COL28A1: variants seen among roughly 807,000 people sequenced by gnomAD.
The protein encoded by COL28A1 is collagen alpha-1(XXVIII) chain.
A neutral mutation model predicts 150.2 loss-of-function variants in COL28A1; 161 were observed. That is an observed-to-expected ratio of 1.07 (90% CI 0.94 to 1.22). The LOEUF (loss-of-function observed/expected upper bound fraction) is 1.22. Among genes scored for constraint, COL28A1 ranks in the 50% most tolerant of loss-of-function variants. COL28A1 has a pLI of 0.00. For synonymous variants in COL28A1, 552 were observed against 469.7 expected (o/e 1.18, Z -2.26); for missense variants, 1,617 against 1,388.3 (o/e 1.16, Z -2.62).
rs1788955656 is a variant in COL28A1 at position 7,477,119 on chromosome 7, C to T, written c.1226G>A (p.Gly409Glu). 1.6e-6 allele frequency: 2 copies of T among 1,226,382 alleles called. No individual in the cohort carries two copies. The highest frequency in any genetic ancestry group is 2.4e-6 in the Non-Finnish European group (2 of 825,224). The allele number at this position is 1,226,382 out of a possible 1,614,324, so 76.0% of individuals were successfully genotyped here. The change falls in exon 14 of 35, where the codon GGA becomes GAA. Residue 409 changes from glycine (G) to glutamate (E), a missense_variant. Coordinates refer to ENST00000399429, the MANE Select transcript of COL28A1 (RefSeq NM_001037763.3). ...ERGLPGEGFPGPKGEKGSEGP... is the reference protein window; with the variant it reads ...ERGLPGEGFPEPKGEKGSEGP... ...TACAGAAGGTATTGTTACCTTTGGTCCTGGAAATCCTTCTCCGGGTAAGCC... is the reference window on the plus strand; with the variant it reads ...TACAGAAGGTATTGTTACCTTTGGTTCTGGAAATCCTTCTCCGGGTAAGCC...
chr7:7,420,670 C>T (rs367879058), intron 25 of COL28A1, among the ~76,000 whole-genome samples: 2 of 152,180 alleles, frequency 1.3e-5, no homozygotes, highest in Non-Finnish European at 2.9e-5. Context: ...CTCTGAACCT[C>T]GGTAAATTCA....
chr7:7,393,782 C>A (rs117783059), intron 27 of COL28A1, among the ~76,000 whole-genome samples: 636 of 152,258 alleles, frequency 4.2e-3, no homozygotes, highest in Non-Finnish European at 6.3e-3. Flanking sequence ...TTTCTCCACA[C>A]CAAATTTGAG....
intron 30 of COL28A1, among the ~76,000 whole-genome samples, chr7:7,379,792 A>G (rs537947291): frequency 6.6e-6 from 1 of 152,270 alleles, no homozygotes; most frequent in East Asian, 1.9e-4. Flanking sequence ...TTTTGGGGAG[A>G]AATTGTGCAT....
At chr7:7,474,118 G>T (rs1227277051) in intron 15 of COL28A1, among the ~76,000 whole-genome samples, 1 of 146,492 alleles carries the variant, frequency 6.8e-6, no homozygotes, top group Non-Finnish European at 1.5e-5. Context: ...TCATAAAAAG[G>T]AATGAATTAA....
At chr7:7,377,565 T>C (rs1452613192) in intron 30 of COL28A1, among the ~76,000 whole-genome samples, 1 of 152,124 alleles carries the variant, frequency 6.6e-6, no homozygotes, top group South Asian at 2.1e-4. Context: ...TGTCAGAGCA[T>C]ACTGCATTAC....
At chr7:7,344,423 T>A in the COL28A1 span, among the ~76,000 whole-genome samples, 1 of 152,102 alleles carries the variant, frequency 6.6e-6, no homozygotes, top group Admixed American at 6.6e-5. Flanking sequence ...TAATAGTTGG[T>A]CTAGTGATTA....
intron 30 of COL28A1, among the ~76,000 whole-genome samples, chr7:7,378,457 G>A (rs1781687801): frequency 6.6e-6 from 1 of 152,088 alleles, no homozygotes. Context: ...GTGACATGTG[G>A]AGAAACAGAG....
intron 26 of COL28A1, 54 bp downstream of exon 26, chr7:7,419,831 G>A (rs1655978753): frequency 1.7e-6 from 2 of 1,191,080 alleles, no homozygotes; most frequent in Non-Finnish European, 1.2e-6. Context: ...CTGTTCACTT[G>A]TTTGTCACTG....
the COL28A1 span, among the ~76,000 whole-genome samples, chr7:7,350,160 A>G: frequency 1.3e-5 from 2 of 152,118 alleles, no homozygotes; most frequent in East Asian, 3.9e-4. Flanking sequence ...GAGGAGGCCA[A>G]TTTGGAAGCC....
chr7:7,448,145 T>C (rs1468949111), intron 18 of COL28A1, among the ~76,000 whole-genome samples: 1 of 152,160 alleles, frequency 6.6e-6, no homozygotes, highest in Non-Finnish European at 1.5e-5. Context: ...ACTGGCCAAA[T>C]ATTTTCCAAA....
intron 14 of COL28A1, among the ~76,000 whole-genome samples, chr7:7,475,757 T>C (rs879516736): frequency 6.6e-6 from 1 of 152,294 alleles, no homozygotes; most frequent in Admixed American, 6.5e-5. Flanking sequence ...ATTTACTAAG[T>C]GCCAAAAAAA....
At chr7:7,455,081 A>C (rs1209935854) in intron 16 of COL28A1, among the ~76,000 whole-genome samples, 1 of 152,192 alleles carries the variant, frequency 6.6e-6, no homozygotes, top group Non-Finnish European at 1.5e-5. Flanking sequence ...CAACAATGAC[A>C]CCGGAATTAT....
intron 11 of COL28A1, among the ~76,000 whole-genome samples, chr7:7,495,156 T>G (rs1780137481): frequency 6.6e-6 from 1 of 152,216 alleles, no homozygotes; most frequent in Non-Finnish European, 1.5e-5. Flanking sequence ...TAAATTTTAC[T>G]TAATAAATAC....
At position 7,436,399 on chromosome 7, in the gene COL28A1, G is replaced by T. The variant is rs746135193; in HGVS notation, c.1856C>A (p.Pro619Gln). The T allele has an allele frequency of 2.3e-6, 3 of 1,324,342 alleles. No individual in the cohort carries two copies. Among genetic ancestry groups the T allele is most frequent in the Non-Finnish European group, 3.3e-6 (3 of 915,366 alleles). The allele number at this position is 1,324,342 out of a possible 1,614,324, so 82.0% of individuals were successfully genotyped here. Reference protein sequence around the residue: ...KGEPGLSIRGPKGVQGPRGPV... With the variant: ...KGEPGLSIRGQKGVQGPRGPV... ...AAGAACATGAATAAAGCATACCTTT[G>T]GTCCTCGAATAGAAAGTCCAGGTTC... Residue 619 changes from proline to glutamine, a missense_variant, in exon 23 of 35, where the codon CCA becomes CAA. By Grantham distance (76) the Pro-to-Gln change is moderately conservative. Transcript: ENST00000399429.
chr7:7,487,892 C>T (rs988524627), intron 13 of COL28A1, among the ~76,000 whole-genome samples: 7 of 152,132 alleles, frequency 4.6e-5, no homozygotes, highest in African/African-American at 1.7e-4. Flanking sequence ...TTCAAGCTGC[C>T]ATGTTGTGAG....
At chr7:7,393,430 T>C (rs1448748568) in intron 27 of COL28A1, among the ~76,000 whole-genome samples, 1 of 152,128 alleles carries the variant, frequency 6.6e-6, no homozygotes, top group African/African-American at 2.4e-5. Flanking sequence ...AGACACAGGG[T>C]TCAGGGACCC....
At chr7:7,496,299 A>T (rs941091273) in intron 11 of COL28A1, among the ~76,000 whole-genome samples, 1 of 152,144 alleles carries the variant, frequency 6.6e-6, no homozygotes, top group Non-Finnish European at 1.5e-5. Context: ...CATTACTATA[A>T]TTCACTCAAT....
chr7:7,372,654 T>C (rs370452941), intron 32 of COL28A1, among the ~76,000 whole-genome samples: 83 of 152,274 alleles, frequency 5.5e-4, no homozygotes, highest in African/African-American at 1.9e-3. Context: ...GTTGGCTTGC[T>C]CGATCCCTTA....
In COL28A1 at chr7:7,452,356, G is replaced by T; in HGVS notation, c.1472C>A (p.Pro491His). The change falls in exon 18 of 35, where the codon CCT (proline) becomes CAT (histidine). Residue 491 changes from proline (P) to histidine (H), a missense_variant. Pro to His is a moderately conservative substitution (Grantham distance 77, BLOSUM62 -2). Transcript: ENST00000399429. ...GEVGQMGPTG[P>H]RGPVGIGVQG... is the part of the protein sequence containing the mutation. ...TACTCCAATTCCCACTGGTCCTCGA[G>T]GGCCTGTAGGTCCCATTTGGCCTAC... is the stretch of plus-strand genomic sequence containing the variant. 6.2e-7 allele frequency: 1 copy of T among 1,604,858 alleles called. No homozygotes were observed. Among genetic ancestry groups the T allele is most frequent in the Non-Finnish European group, 8.5e-7 (1 of 1,177,918 alleles).
Sources: allele counts gnomAD v4.1 joint callset (sites outside exome capture counted in the v4.1 genomes callset), GRCh38; gene constraint gnomAD v4.1.1; transcripts MANE v1.5; gene names NCBI Gene and HGNC (gene_info 2026-07-23, HGNC 2026-07-21).